The following TOX variants were observed in gnomAD, a reference collection of about 807,000 sequenced individuals.
TOX encodes the protein thymocyte selection-associated high mobility group box protein TOX.
A neutral mutation model predicts 53.7 loss-of-function variants in TOX; 11 were observed. The observed-to-expected ratio is 0.20, with a 90% CI of 0.13 to 0.34. The LOEUF (loss-of-function observed/expected upper bound fraction) is 0.34. Among genes scored for constraint, TOX ranks in the 10% least tolerant of loss-of-function variants. TOX has a pLI of 1.00. For missense variants in TOX, 570 were observed against 664.6 expected (o/e 0.86, Z 1.56); for synonymous variants, 225 against 245.3 (o/e 0.92, Z 0.77).
chr8:59,064,613 T>G (rs1272184639), intron 1 of TOX, among the ~76,000 whole-genome samples: 1 of 152,176 alleles, frequency 6.6e-6, no homozygotes, highest in African/African-American at 2.4e-5. Flanking sequence ...TATAAACTCG[T>G]GCTCTGCTTG....
intron 4 of TOX, among the ~76,000 whole-genome samples, chr8:58,841,618 T>A (rs1207172889): frequency 6.6e-6 from 1 of 152,220 alleles, no homozygotes; most frequent in Non-Finnish European, 1.5e-5. Flanking sequence ...TAGTACTGTG[T>A]TGTACACTTG....
chr8:59,058,860 T>A (rs12216827), intron 1 of TOX, among the ~76,000 whole-genome samples: 67,385 of 152,038 alleles, frequency 0.44, 17,496 homozygotes, highest in Non-Finnish European at 0.59. Context: ...TATTAAAAGG[T>A]CAGAGTTTCT....
At position 59,117,478 on chromosome 8, in the gene TOX, CT is replaced by C. The variant is rs1441886968; in HGVS notation, c.102+1407del. On this transcript the variant is annotated intron_variant, in intron 1 of 8. Transcript: ENST00000361421. The surrounding 1 kb of genome is among the most constrained non-coding windows in gnomAD (Gnocchi z 4.6). ...AACACCATCGGCACACAGCACAGTC[CT>C]TTGAGTGGGTCTCACACTGGACACA... Among the ~76,000 whole-genome samples, 1 of 152,218 alleles carries C rather than the reference CT, an allele frequency of 6.6e-6. No homozygotes were observed. Among genetic ancestry groups the C allele is most frequent in the African/African-American group, 2.4e-5 (1 of 41,452 alleles).
chr8:59,048,732 A>T (rs1184561249), intron 1 of TOX, among the ~76,000 whole-genome samples: 1 of 152,200 alleles, frequency 6.6e-6, no homozygotes, highest in Non-Finnish European at 1.5e-5. Flanking sequence ...TATGAGTTAC[A>T]TGAGATATTT....
At chr8:58,861,105 G>C (rs1295120691) in intron 3 of TOX, among the ~76,000 whole-genome samples, 1 of 152,182 alleles carries the variant, frequency 6.6e-6, no homozygotes, top group East Asian at 1.9e-4. Context: ...GTGCTTCAGT[G>C]AGCCCTTGAA....
At chr8:59,055,028 A>G (rs1301615716) in intron 1 of TOX, among the ~76,000 whole-genome samples, 4 of 152,034 alleles carry the variant, frequency 2.6e-5, no homozygotes, top group African/African-American at 9.7e-5. Flanking sequence ...AAAGAAAGAG[A>G]AAAAGAAAAA....
chr8:58,980,928 T>C (rs531581630), intron 1 of TOX, among the ~76,000 whole-genome samples: 5 of 152,200 alleles, frequency 3.3e-5, no homozygotes, highest in Non-Finnish European at 7.4e-5. Flanking sequence ...GGAGTCTACA[T>C]CATCTGCTTA....
At chr8:58,960,344 T>C (rs1171798718) in intron 1 of TOX, among the ~76,000 whole-genome samples, 1 of 152,120 alleles carries the variant, frequency 6.6e-6, no homozygotes, top group African/African-American at 2.4e-5. Flanking sequence ...TGCAGTTCAG[T>C]TGTAATGAAG....
intron 6 of TOX, among the ~76,000 whole-genome samples, chr8:58,819,821 T>C (rs745529161): frequency 5.9e-5 from 9 of 152,216 alleles, no homozygotes; most frequent in Non-Finnish European, 1.2e-4. Context: ...TAAGAGTTGC[T>C]GAACCAAATC....
At chr8:59,021,481 A>ATATATATATATAT (rs1554539852) in intron 1 of TOX, among the ~76,000 whole-genome samples, 3 of 64,736 alleles carry the variant, frequency 4.6e-5, no homozygotes, top group South Asian at 5.7e-4. Context: ...AAAAAAAAAA[A>ATATATATATATAT]ATATATATAT....
intron 1 of TOX, among the ~76,000 whole-genome samples, chr8:59,013,858 T>C (rs1285339218): frequency 6.6e-6 from 1 of 152,252 alleles, no homozygotes; most frequent in African/African-American, 2.4e-5. Flanking sequence ...GTCATGTTGT[T>C]TCCTTCTGTT....
At chr8:59,040,908 A>G (rs559176514) in intron 1 of TOX, among the ~76,000 whole-genome samples, 2 of 152,170 alleles carry the variant, frequency 1.3e-5, no homozygotes, top group Non-Finnish European at 2.9e-5. Flanking sequence ...AAAAACTGTG[A>G]GCAGGACACA....
intron 1 of TOX, among the ~76,000 whole-genome samples, chr8:59,085,603 G>C (rs1330647313): frequency 6.6e-6 from 1 of 152,160 alleles, no homozygotes; most frequent in Non-Finnish European, 1.5e-5. Context: ...GCCCAGGCTG[G>C]TCTCAAACTC....
At chr8:59,068,447 C>T (rs1378446714) in intron 1 of TOX, among the ~76,000 whole-genome samples, 6 of 138,050 alleles carry the variant, frequency 4.3e-5, no homozygotes, top group Admixed American at 1.5e-4. Context: ...AAGAGGAAAA[C>T]GAAGAGAAGA....
chr8:58,886,224 C>T (rs552430683), intron 3 of TOX, among the ~76,000 whole-genome samples: 53 of 152,228 alleles, frequency 3.5e-4, no homozygotes, highest in Non-Finnish European at 1.5e-4. Context: ...AAGCCCCAGC[C>T]TACCACCCTC....
At chr8:59,022,715 A>G (rs922308328) in intron 1 of TOX, among the ~76,000 whole-genome samples, 4 of 152,156 alleles carry the variant, frequency 2.6e-5, no homozygotes, top group Admixed American at 2.0e-4. Context: ...GTGGAAGCAG[A>G]TCTTGAATAT....
At chr8:59,034,273 T>C (rs1187208216) in intron 1 of TOX, among the ~76,000 whole-genome samples, 1 of 152,250 alleles carries the variant, frequency 6.6e-6, no homozygotes, top group Admixed American at 6.5e-5. Context: ...GATTGAAATC[T>C]ATGCCAGTCC....
At chr8:58,972,741 A>G (rs1008732674) in intron 1 of TOX, among the ~76,000 whole-genome samples, 1 of 152,168 alleles carries the variant, frequency 6.6e-6, no homozygotes, top group African/African-American at 2.4e-5. Flanking sequence ...TCTGTATCAT[A>G]TTTTTCACAT....
chr8:59,085,745 C>A (rs73256354), intron 1 of TOX, among the ~76,000 whole-genome samples: 5,379 of 152,202 alleles, frequency 0.035, 289 homozygotes, highest in African/African-American at 0.12. Flanking sequence ...TGGAGGAAGA[C>A]AGCAGGCTTT....
Sources: gnomAD v4.1 joint callset for allele counts (sites outside exome capture counted in the v4.1 genomes callset) on GRCh38, gnomAD v4.1.1 for gene constraint, Gnocchi (gnomAD v3.1) non-coding constraint, MANE v1.5 for transcripts, NCBI Gene and HGNC (gene_info 2026-07-23, HGNC 2026-07-21) for gene names.